Variants in SLC8A1 observed in about 807,000 individuals in gnomAD.
SLC8A1 encodes the protein sodium/calcium exchanger 1.
A neutral mutation model predicts 68.3 loss-of-function variants in SLC8A1; 18 were observed. The observed-to-expected ratio is 0.26, with a 90% CI of 0.18 to 0.39. SLC8A1 has a LOEUF of 0.39. SLC8A1 is among the 10% of genes least tolerant of loss of function. SLC8A1 has a pLI of 1.00. For missense variants in SLC8A1, 985 were observed against 1,156.7 expected (o/e 0.85, Z 2.15); for synonymous variants, 475 against 415.5 (o/e 1.14, Z -1.74).
exon 8 of SLC8A1, chr2:40,098,137 C>G (rs549178526): frequency 6.6e-6 from 1 of 151,966 alleles, no homozygotes; most frequent in East Asian, 1.9e-4. Context: ...TACTTATAGT[C>G]CTAAAGGAAA....
At position 40,405,303 on chromosome 2, in the gene SLC8A1, C is replaced by G. The variant is rs191248849; in HGVS notation, c.1808+23170G>C. On this transcript the variant is annotated intron_variant, in intron 2 of 7. Transcript: ENST00000406785. ...AGAAGGAGACATACACCTACAATTG[C>G]TAAAGCAATTTCTGCAAGAAAAATT... 4.6e-5 allele frequency among the ~76,000 whole-genome samples: 7 copies of G among 152,270 alleles called. No individual in the cohort carries two copies. In the East Asian group the frequency reaches 1.4e-3, roughly 29 times the overall value.
chr2:40,172,922 CAG>C (rs1222585821), intron 4 of SLC8A1, among the ~76,000 whole-genome samples: 1 of 152,104 alleles, frequency 6.6e-6, no homozygotes, highest in East Asian at 1.9e-4. Flanking sequence ...AGCCTGGCAA[CAG>C]AGTGAGACTC....
At chr2:40,402,415 C>T (rs1355733763) in intron 2 of SLC8A1, among the ~76,000 whole-genome samples, 3 of 152,184 alleles carry the variant, frequency 2.0e-5, no homozygotes, top group Non-Finnish European at 4.4e-5. Flanking sequence ...AGTTGAGCAG[C>T]CCATGCTGCT....
intron 2 of SLC8A1, among the ~76,000 whole-genome samples, chr2:40,340,604 A>G (rs1208942554): frequency 6.6e-6 from 1 of 152,154 alleles, no homozygotes; most frequent in Non-Finnish European, 1.5e-5. Flanking sequence ...GACTAGGCAC[A>G]TCAAACACAG....
intron 1 of SLC8A1, among the ~76,000 whole-genome samples, chr2:40,467,405 G>C (rs922960696): frequency 6.6e-6 from 1 of 152,070 alleles, no homozygotes; most frequent in African/African-American, 2.4e-5. Context: ...ATGGGGGTGG[G>C]GGTGAAAGTG....
At chr2:40,113,126 A>G (rs2034774416) in exon 8 of SLC8A1, 1 of 152,256 alleles carries the variant, frequency 6.6e-6, no homozygotes, top group African/African-American at 2.4e-5. Flanking sequence ...AGAAAGTATC[A>G]TACTACCTGG....
At chr2:40,283,332 G>T (rs929991120) in intron 2 of SLC8A1, among the ~76,000 whole-genome samples, 1 of 152,122 alleles carries the variant, frequency 6.6e-6, no homozygotes, top group Admixed American at 6.5e-5. Context: ...TGATAAACCT[G>T]AAAAACAAGT....
chr2:40,492,025 C>T (rs868443388), intron 1 of SLC8A1, among the ~76,000 whole-genome samples: 110 of 152,118 alleles, frequency 7.2e-4, no homozygotes, highest in African/African-American at 2.3e-3. Context: ...AAAAAGAGCC[C>T]GCATCGCCAA....
chr2:40,493,546 A>G (rs372884232), intron 1 of SLC8A1, among the ~76,000 whole-genome samples: 1 of 151,888 alleles, frequency 6.6e-6, no homozygotes, highest in African/African-American at 2.4e-5. Context: ...GCTTAGGTTC[A>G]GAAAGTGTAA....
At chr2:40,398,576 A>G (rs1470255515) in intron 2 of SLC8A1, among the ~76,000 whole-genome samples, 1 of 151,956 alleles carries the variant, frequency 6.6e-6, no homozygotes, top group Non-Finnish European at 1.5e-5. Flanking sequence ...TTTCCTACGT[A>G]CATATTTTAT....
chr2:40,352,673 C>T (rs1417006745), intron 2 of SLC8A1, among the ~76,000 whole-genome samples: 1 of 152,176 alleles, frequency 6.6e-6, no homozygotes, highest in African/African-American at 2.4e-5. Context: ...ATTTAGCCTC[C>T]AAGAGTCGGC....
At chr2:40,174,899 AC>A (rs1346679245) in intron 3 of SLC8A1, 57 bp from the exon 5 acceptor site, 1 of 1,535,874 alleles carries the variant, frequency 6.5e-7, no homozygotes, top group African/African-American at 1.4e-5. Context: ...CATAACAAAT[AC>A]CAGTGACATC....
At chr2:40,208,644 T>G (rs1170400308) in intron 2 of SLC8A1, among the ~76,000 whole-genome samples, 1 of 152,180 alleles carries the variant, frequency 6.6e-6, no homozygotes, top group Non-Finnish European at 1.5e-5. Flanking sequence ...CAATCAACTC[T>G]GCTCTATGAT....
Position 40,297,742 on chromosome 2 carries a change from C to A in SLC8A1, c.1809-119887G>T, listed in dbSNP as rs149541527. Among the ~76,000 whole-genome samples, 173 of 152,234 alleles carry A rather than the reference C, an allele frequency of 1.1e-3. 1 individual carries two copies. The Middle Eastern group carries it at 0.014, about 12-fold the overall frequency. ...CTTATTGAAAGTGCAGTGATTTTAG[C>A]ATTGGTAGAGTAACAGTCTCAAGAA... On this transcript the variant is annotated intron_variant, in intron 2 of 7. Coordinates refer to ENST00000406785, the Ensembl canonical transcript of SLC8A1.
exon 8 of SLC8A1, chr2:40,111,291 C>G (rs911047433): frequency 2.6e-5 from 4 of 152,082 alleles, no homozygotes; most frequent in Non-Finnish European, 4.4e-5. Flanking sequence ...GGTCAAGGAG[C>G]TCTGGTCATT....
chr2:40,494,535 G>T (rs1454358977), intron 1 of SLC8A1, among the ~76,000 whole-genome samples: 1 of 150,754 alleles, frequency 6.6e-6, no homozygotes, highest in Non-Finnish European at 1.5e-5. Flanking sequence ...GGGATGGCTG[G>T]TTCAAATGGT....
intron 1 of SLC8A1, among the ~76,000 whole-genome samples, chr2:40,502,899 A>G (rs538585730): frequency 6.6e-6 from 1 of 152,110 alleles, no homozygotes; most frequent in South Asian, 2.1e-4. Flanking sequence ...CGCCTCTTCA[A>G]TCTTATTCCT....
intron 2 of SLC8A1, among the ~76,000 whole-genome samples, chr2:40,315,273 C>A (rs762860157): frequency 2.0e-5 from 3 of 151,518 alleles, no homozygotes; most frequent in Non-Finnish European, 4.4e-5. Context: ...TTTTCTAGTT[C>A]GTCAGTATGG....
chr2:40,256,202 C>A (rs996275900), intron 2 of SLC8A1, among the ~76,000 whole-genome samples: 2 of 152,172 alleles, frequency 1.3e-5, no homozygotes, highest in African/African-American at 4.8e-5. Context: ...GACCTTCCCA[C>A]TCCTAACCAA....
Sources: gnomAD v4.1 joint callset for allele counts (sites outside exome capture counted in the v4.1 genomes callset) on GRCh38, gnomAD v4.1.1 for gene constraint, MANE v1.5 for transcripts, NCBI Gene and HGNC (gene_info 2026-07-23, HGNC 2026-07-21) for gene names.